The following WDR70 variants were observed in gnomAD, a reference collection of about 807,000 sequenced individuals.
WDR70 encodes the protein WD repeat domain 70.
WDR70 carries 53 observed loss-of-function variants against 88.6 expected under a neutral mutation model. The ratio of observed to expected loss-of-function variants is 0.60; its 90% confidence interval spans 0.48 to 0.75. The LOEUF (loss-of-function observed/expected upper bound fraction) is 0.75. Among genes scored for constraint, WDR70 ranks in the 30% least tolerant of loss-of-function variants. The probability of loss-of-function intolerance (pLI) is 0.00; values close to 1 mark genes in which losing one functional copy is unlikely to be tolerated. For synonymous variants in WDR70, 280 were observed against 270.0 expected, an observed-to-expected ratio of 1.04 and a Z score of -0.36; for missense variants, 610 against 823.2, an observed-to-expected ratio of 0.74 and a Z score of 3.17.
intron 11 of WDR70, among the ~76,000 whole-genome samples, chr5:37,700,845 A>G (rs1747138816): frequency 6.6e-6 from 1 of 152,138 alleles, no homozygotes; most frequent in African/African-American, 2.4e-5. Flanking sequence ...TCTTGCGACT[A>G]CCGCTTTTTA....
intron 10 of WDR70, among the ~76,000 whole-genome samples, chr5:37,625,691 A>C (rs1434890862): frequency 1.3e-5 from 2 of 150,200 alleles, no homozygotes; most frequent in African/African-American, 2.4e-5. Context: ...TGCCTAGCTA[A>C]TTTTTTTTTG....
chr5:37,680,011 C>T (rs1746377569), intron 10 of WDR70, among the ~76,000 whole-genome samples: 1 of 152,228 alleles, frequency 6.6e-6, no homozygotes, highest in African/African-American at 2.4e-5. Flanking sequence ...CCATTTTCAC[C>T]AACAATGTAA....
chr5:37,623,758 C>G (rs1479537574), intron 10 of WDR70, among the ~76,000 whole-genome samples: 1 of 152,084 alleles, frequency 6.6e-6, no homozygotes, highest in African/African-American at 2.4e-5. Flanking sequence ...TCATCTCTAC[C>G]TAGTTATAGA....
intron 7 of WDR70, among the ~76,000 whole-genome samples, chr5:37,453,954 C>T (rs762915354): frequency 1.2e-4 from 19 of 152,128 alleles, no homozygotes; most frequent in Non-Finnish European, 2.1e-4. Context: ...TCTTTTATAG[C>T]ACTTAGAATG....
At chr5:37,618,473 A>G (rs1581439660) in intron 10 of WDR70, among the ~76,000 whole-genome samples, 2 of 152,224 alleles carry the variant, frequency 1.3e-5, no homozygotes, top group African/African-American at 2.4e-5. Context: ...GGTTCAAGTG[A>G]TTCTCCTGCC....
chr5:37,489,503 G>C lies in WDR70; in HGVS notation c.840+9516G>C, dbSNP rs1172834598. Among the ~76,000 whole-genome samples the C allele has an allele frequency of 3.9e-5, 6 of 152,204 alleles. No individual in the cohort carries two copies. The East Asian group carries it at 1.2e-3, about 29-fold the overall frequency. ...GGTGCCAGGTTTGGTGGTGGTGGCAGGCTGAGCAACCTTGTCCTCCAGCCC... is the reference window on the plus strand; with the variant it reads ...GGTGCCAGGTTTGGTGGTGGTGGCACGCTGAGCAACCTTGTCCTCCAGCCC... On this transcript the variant is annotated intron_variant, in intron 8 of 17. Transcript: ENST00000265107.
At chr5:37,600,323 C>T (rs1449477235) in intron 9 of WDR70, among the ~76,000 whole-genome samples, 1 of 151,930 alleles carries the variant, frequency 6.6e-6, no homozygotes, top group African/African-American at 2.4e-5. Context: ...GTCAGGAGAT[C>T]GAGACCATCC....
chr5:37,572,731 G>C (rs1742944382), intron 9 of WDR70, among the ~76,000 whole-genome samples: 1 of 152,132 alleles, frequency 6.6e-6, no homozygotes, highest in Non-Finnish European at 1.5e-5. Context: ...AACTGCCTGA[G>C]TTCAAATCAC....
rs1442131521 is a variant in WDR70 at position 37,563,588 on chromosome 5, G to A, written c.918-41476G>A. 8.0e-5 allele frequency among the ~76,000 whole-genome samples: 6 copies of A among 75,022 alleles called. 2 individuals carry two copies. The highest frequency in any genetic ancestry group is 1.0e-4 in the African/African-American group (3 of 29,226). The allele number at this position is 75,022 out of a possible 152,430, so 49.2% of individuals were successfully genotyped here. On this transcript the variant is annotated intron_variant, in intron 9 of 17. Coordinates refer to ENST00000265107, the MANE Select transcript of WDR70 (RefSeq NM_018034.4). The stretch of plus-strand genomic sequence containing the variant: ...CCCCCCACCTCCCTCCCGGACGGGC[G>A]GCTGGCCGGGCGGGGGGATGACCCC...
At chr5:37,693,120 A>G (rs1320093336) in intron 10 of WDR70, among the ~76,000 whole-genome samples, 1 of 152,208 alleles carries the variant, frequency 6.6e-6, no homozygotes, top group Admixed American at 6.5e-5. Flanking sequence ...CAATTGCTAC[A>G]AAGAGAATAA....
At chr5:37,575,863 TGAGACTGA>T (rs1743034791) in intron 9 of WDR70, among the ~76,000 whole-genome samples, 1 of 152,194 alleles carries the variant, frequency 6.6e-6, no homozygotes, top group African/African-American at 2.4e-5. Flanking sequence ...GGCTGTCTTG[TGAGACTGA>T]GTCCTAAACT....
chr5:37,517,830 A>C (rs1740935358), intron 9 of WDR70, among the ~76,000 whole-genome samples: 1 of 69,360 alleles, frequency 1.4e-5, no homozygotes, highest in Non-Finnish European at 4.2e-5. Flanking sequence ...AAACTCTTTT[A>C]GTTATTTTAT....
At chr5:37,415,471 A>T (rs1450668085) in intron 5 of WDR70, among the ~76,000 whole-genome samples, 3 of 53,276 alleles carry the variant, frequency 5.6e-5, no homozygotes, top group African/African-American at 2.0e-4. Flanking sequence ...TGATCCCCCC[A>T]CCTCCCTCCC....
intron 7 of WDR70, among the ~76,000 whole-genome samples, chr5:37,455,402 C>T (rs1034525265): frequency 7.3e-5 from 11 of 151,468 alleles, no homozygotes; most frequent in African/African-American, 1.7e-4. Flanking sequence ...CCACCATGCC[C>T]GGCTAATTTT....
chr5:37,505,797 T>C (rs1740542490), intron 8 of WDR70: 6 of 1,398,368 alleles, frequency 4.3e-6, no homozygotes, highest in Non-Finnish European at 5.1e-6. Flanking sequence ...CCCAGACAGA[T>C]CACAGTTCTC....
At chr5:37,504,860 A>G (rs1225752707) in intron 8 of WDR70, among the ~76,000 whole-genome samples, 5 of 152,214 alleles carry the variant, frequency 3.3e-5, no homozygotes, top group Non-Finnish European at 5.9e-5. Flanking sequence ...GGACACAGCT[A>G]GTATCCCTGC....
chr5:37,436,065 A>G (rs985530024), intron 5 of WDR70, among the ~76,000 whole-genome samples: 3 of 152,148 alleles, frequency 2.0e-5, no homozygotes, highest in Admixed American at 6.5e-5. Context: ...AATGCATAAG[A>G]GGGTCATTTA....
intron 5 of WDR70, among the ~76,000 whole-genome samples, chr5:37,432,456 T>A (rs2112025259): frequency 6.6e-6 from 1 of 152,332 alleles, no homozygotes; most frequent in Admixed American, 6.5e-5. Flanking sequence ...TGGCGTGATC[T>A]CGGCTCACTG....
intron 7 of WDR70, among the ~76,000 whole-genome samples, chr5:37,475,225 C>T (rs768236522): frequency 5.2e-4 from 77 of 146,854 alleles, no homozygotes; most frequent in Non-Finnish European, 9.6e-4. Flanking sequence ...CATCCTTGTT[C>T]CTTGATTTTT....
Sources: allele counts gnomAD v4.1 joint callset (sites outside exome capture counted in the v4.1 genomes callset), GRCh38; gene constraint gnomAD v4.1.1; transcripts MANE v1.5; gene names NCBI Gene and HGNC (gene_info 2026-07-23, HGNC 2026-07-21).